Variants in GIPC3 observed in about 807,000 individuals in gnomAD.
GIPC3 encodes the protein GIPC PDZ domain containing family member 3, also known as PDZ domain-containing protein GIPC3.
A neutral mutation model predicts 27.3 loss-of-function variants in GIPC3; 16 were observed. That is an observed-to-expected ratio of 0.59 (90% confidence interval 0.40 to 0.89). The LOEUF is 0.89. GIPC3 is among the 40% of genes least tolerant of loss of function. GIPC3 has a pLI of 0.00. For missense variants in GIPC3, 440 were observed against 442.1 expected (o/e 1.00, Z 0.04); for synonymous variants, 194 against 184.6 (o/e 1.05, Z -0.41).
intron 1 of GIPC3, among the ~76,000 whole-genome samples, chr19:3,586,069 A>G (rs1034402184): frequency 6.6e-6 from 1 of 152,118 alleles, no homozygotes; most frequent in Non-Finnish European, 1.5e-5. Context: ...ATTCCAGAAA[A>G]TCCTCTGCGC....
At position 3,586,580 on chromosome 19, in the gene GIPC3, C is replaced by T; in HGVS notation, c.311C>T (p.Ala104Val). ...ATAGGCCTGGAGGACTTCATCTTTG[C>T]CCACGTGCGAGGCGAGACCAAGGAG... ...GQIGLEDFIF[A>V]HVRGETKEVE... The change falls in exon 2 of 6, where the codon GCC becomes GTC. Residue 104 changes from alanine (A) to valine (V), a missense_variant. Coordinates refer to ENST00000644452, the MANE Select transcript of GIPC3 (RefSeq NM_133261.3). 6.2e-7 allele frequency: 1 copy of T among 1,613,836 alleles called. No homozygotes were observed. Among genetic ancestry groups the T allele is most frequent in the East Asian group, 2.2e-5 (1 of 44,864 alleles).
At chr19:3,587,143 A>T in intron 3 of GIPC3, 149 bp downstream of exon 3, 25 of 554,842 alleles carry the variant, frequency 4.5e-5, no homozygotes, top group East Asian at 1.1e-4. Context: ...AGAAACTCGT[A>T]GGTAGTTTCT....
intron 3 of GIPC3, among the ~76,000 whole-genome samples, chr19:3,587,695 C>CTTTTTTCTTTTCTT (rs548820972): frequency 0.11 from 14,584 of 130,782 alleles, 1,075 homozygotes; most frequent in African/African-American, 0.18. Flanking sequence ...CTTTTCTTTT[C>CTTTTTTCTTTTCTT]TTTTTTTTTT....
chr19:3,587,106 G>A, intron 3 of GIPC3, 112 bp downstream of exon 3: 5 of 927,500 alleles, frequency 5.4e-6, no homozygotes, highest in East Asian at 2.6e-5. Context: ...CACCCGCTGC[G>A]TGCCAAGGAG....
Position 3,586,865 on chromosome 19 carries a change from G to A in GIPC3, c.463G>A (p.Asp155Asn), listed in dbSNP as rs769390047. 6.2e-7 allele frequency: 1 copy of A among 1,613,590 alleles called. No individual in the cohort carries two copies. Among genetic ancestry groups the A allele is most frequent in the South Asian group, 1.1e-5 (1 of 91,072 alleles). ...CCGGATCGAGGCAGTGTGCGTGGGT[G>A]ACAGCATCGAAGCCATCAACGACCA... Reference protein sequence around the residue: ...INRIEAVCVGDSIEAINDHSI... With the variant: ...INRIEAVCVGNSIEAINDHSI... The change falls in exon 3 of 6, where the codon GAC (aspartate) becomes AAC (asparagine). Residue 155 changes from aspartate (D) to asparagine (N), a missense_variant. By Grantham distance (23) the Asp-to-Asn change is conservative. Coordinates refer to ENST00000644452, the MANE Select transcript of GIPC3 (RefSeq NM_133261.3).
Position 3,586,554 on chromosome 19 carries a change from G to C in GIPC3, c.285G>C (p.Gln95His), listed in dbSNP as rs1487960634. The change falls in exon 2 of 6, where the codon CAG (glutamine) becomes CAC (histidine). Residue 95 changes from glutamine (Q) to histidine (H), a missense_variant. Transcript: ENST00000644452. Reference protein sequence around the residue: ...KVDMQKLLGGQIGLEDFIFAH... With the variant: ...KVDMQKLLGGHIGLEDFIFAH... ...ACATGCAGAAGCTCCTGGGGGGTCA[G>C]ATAGGCCTGGAGGACTTCATCTTTG... is the stretch of plus-strand genomic sequence containing the variant. 1 of 1,613,808 alleles carries C rather than the reference G, an allele frequency of 6.2e-7. No homozygotes were observed. Among genetic ancestry groups the C allele is most frequent in the African/African-American group, 1.3e-5 (1 of 74,910 alleles).
rs918923897 is a variant in GIPC3, at chr19:3,590,624, G to A, written c.*434G>A. On this transcript the variant is annotated 3_prime_UTR_variant, in exon 6 of 6. Coordinates refer to ENST00000644452, the MANE Select transcript of GIPC3 (RefSeq NM_133261.3). ...GAACTCAGATGGGCTCTGAGACCATGCCCAGCTCTAGAACTCAGATGGGCT... is the reference window on the plus strand; with the variant it reads ...GAACTCAGATGGGCTCTGAGACCATACCCAGCTCTAGAACTCAGATGGGCT... 3.0e-5 allele frequency: 38 copies of A among 1,274,502 alleles called. No individual in the cohort carries two copies. The highest frequency in any genetic ancestry group is 3.8e-5 in the Non-Finnish European group (38 of 1,011,500). The allele number at this position is 1,274,502 out of a possible 1,614,324, so 78.9% of individuals were successfully genotyped here. A position where few individuals can be genotyped will look rare whatever the true frequency, so the allele number is the denominator to read the frequency against.
At position 3,592,313 on chromosome 19, in the gene GIPC3, G is replaced by C; in HGVS notation, c.*2123G>C. On this transcript the variant is annotated 3_prime_UTR_variant, in exon 6 of 6. Transcript: ENST00000644452. ...CTGGTATTCAACTGGACTTTGGGAA[G>C]CAGAGCAGTTCTGAAAGTCAGCTTA... The C allele has an allele frequency of 5.7e-6, 7 of 1,232,020 alleles. No homozygotes were observed. Among genetic ancestry groups the C allele is most frequent in the Non-Finnish European group, 7.1e-6 (7 of 987,962 alleles). The allele number at this position is 1,232,020 out of a possible 1,614,324, so 76.3% of individuals were successfully genotyped here. A position where few individuals can be genotyped will look rare whatever the true frequency, so the allele number is the denominator to read the frequency against.
chr19:3,590,876 G>C lies in GIPC3; in HGVS notation c.*686G>C, dbSNP rs2032477649. 8.1e-7 allele frequency: 1 copy of C among 1,236,140 alleles called. No homozygotes were observed. Among genetic ancestry groups the C allele is most frequent in the African/African-American group, 1.6e-5 (1 of 64,350 alleles). The allele number at this position is 1,236,140 out of a possible 1,614,324, so 76.6% of individuals were successfully genotyped here. ...GAACTCAGATGGGCTCCGAGACCAA[G>C]CCCAGCTCTAGAACCCAGATGAGCT... On this transcript the variant is annotated 3_prime_UTR_variant, in exon 6 of 6. Coordinates refer to ENST00000644452, the MANE Select transcript of GIPC3 (RefSeq NM_133261.3).
intron 1 of GIPC3, 86 bp from the exon 2 acceptor site, chr19:3,586,408 GC>G (rs2032365246): frequency 8.2e-7 from 1 of 1,224,094 alleles, no homozygotes; most frequent in Non-Finnish European, 1.2e-6. Flanking sequence ...GATCCTGGTC[GC>G]TGGGGGCAGG....
chr19:3,590,203 G>A lies in GIPC3; in HGVS notation c.*13G>A, dbSNP rs1017557413. The A allele has an allele frequency of 9.5e-6, 15 of 1,580,648 alleles. No individual in the cohort carries two copies. The African/African-American group carries it at 1.9e-4, about 20-fold the overall frequency. On this transcript the variant is annotated 3_prime_UTR_variant, in exon 6 of 6. Transcript: ENST00000644452. ...GGCCTGTGGCTAGTTTGCCCTGGGGGGGCCCAGCACAGCCCCAGCCCGGAG... is the reference window on the plus strand; with the variant it reads ...GGCCTGTGGCTAGTTTGCCCTGGGGAGGCCCAGCACAGCCCCAGCCCGGAG...
Position 3,590,250 on chromosome 19 carries a change from T to G in GIPC3, c.*60T>G. The G allele has an allele frequency of 3.2e-6, 5 of 1,540,738 alleles. No homozygotes were observed. Among genetic ancestry groups the G allele is most frequent in the Non-Finnish European group, 4.4e-6 (5 of 1,141,814 alleles). ...GGAGCCCAGCCCCCTGCCCCGGCCCTGCTCCAGAACCCAGCCCAGATCGGA... is the reference window on the plus strand; with the variant it reads ...GGAGCCCAGCCCCCTGCCCCGGCCCGGCTCCAGAACCCAGCCCAGATCGGA... On this transcript the variant is annotated 3_prime_UTR_variant, in exon 6 of 6. Coordinates refer to ENST00000644452, the MANE Select transcript of GIPC3 (RefSeq NM_133261.3).
chr19:3,586,224 C>A (rs1568276971), intron 1 of GIPC3, among the ~76,000 whole-genome samples: 1 of 152,018 alleles, frequency 6.6e-6, no homozygotes, highest in South Asian at 2.1e-4. Flanking sequence ...GGGCGTTTTT[C>A]CAATCCGGGT....
rs563745682 is a variant in GIPC3 at position 3,590,307 on chromosome 19, T to C, written c.*117T>C. On this transcript the variant is annotated 3_prime_UTR_variant, in exon 6 of 6. Transcript: ENST00000644452. ...GTTCCTCTCTAGAACCCAATCCAATTTGGAGCCCCAGCCCAACTCCAGAAC... is the reference window on the plus strand; with the variant it reads ...GTTCCTCTCTAGAACCCAATCCAATCTGGAGCCCCAGCCCAACTCCAGAAC... 2 of 1,461,406 alleles carry C rather than the reference T, an allele frequency of 1.4e-6. No individual in the cohort carries two copies. Among genetic ancestry groups the C allele is most frequent in the African/African-American group, 1.4e-5 (1 of 70,618 alleles). 90.5% of individuals were successfully genotyped at this position (1,461,406 alleles called of 1,614,324 possible). A position where few individuals can be genotyped will look rare whatever the true frequency, so the allele number is the denominator to read the frequency against.
At position 3,593,432 on chromosome 19, in the gene GIPC3, C is replaced by A. The variant is rs974270131; in HGVS notation, c.*3242C>A. The A allele has an allele frequency of 1.4e-6, 1 of 689,688 alleles. No homozygotes were observed. The highest frequency in any genetic ancestry group is 2.0e-6 in the Non-Finnish European group (1 of 493,012). 42.7% of individuals were successfully genotyped at this position (689,688 alleles called of 1,614,324 possible). A position where few individuals can be genotyped will look rare whatever the true frequency, so the allele number is the denominator to read the frequency against. On this transcript the variant is annotated 3_prime_UTR_variant, in exon 6 of 6. Coordinates refer to ENST00000644452, the MANE Select transcript of GIPC3 (RefSeq NM_133261.3). ...GCGGTGGTGAAAACAGGGGCTTCACCGGTCCTGGCTCAGATCCAGGTCCTT... is the reference window on the plus strand; with the variant it reads ...GCGGTGGTGAAAACAGGGGCTTCACAGGTCCTGGCTCAGATCCAGGTCCTT...
chr19:3,585,490 C>G lies in GIPC3; in HGVS notation c.-108C>G. The G allele has an allele frequency of 1.0e-6, 1 of 988,908 alleles. No homozygotes were observed. The highest frequency in any genetic ancestry group is 4.7e-5 in the South Asian group (1 of 21,120). 61.3% of individuals were successfully genotyped at this position (988,908 alleles called of 1,614,324 possible). On this transcript the variant is annotated 5_prime_UTR_variant, in exon 1 of 6. Coordinates refer to ENST00000644452, the MANE Select transcript of GIPC3 (RefSeq NM_133261.3). ...GCTCGGGTTCCCAGATCCCCTTACCCGGGCGTCTCGGCTGTCGCGCCCTGG... is the reference window on the plus strand; with the variant it reads ...GCTCGGGTTCCCAGATCCCCTTACCGGGGCGTCTCGGCTGTCGCGCCCTGG...
At chr19:3,587,089 C>T in intron 3 of GIPC3, 95 bp downstream of exon 3, 1 of 1,165,182 alleles carries the variant, frequency 8.6e-7, no homozygotes, top group Non-Finnish European at 1.2e-6. Context: ...CTGGAAGGTT[C>T]TAGGTGCACC....
rs775627552 is a variant in GIPC3 at position 3,589,824 on chromosome 19, C to T, written c.706-7C>T. ...TCACCCCTGACTTCCCTCCCGTGTG[C>T]CCCCAGCCCAGTGAGTTTGAGGAGG... On this transcript the variant is annotated splice_region_variant and splice_polypyrimidine_tract_variant and intron_variant, in intron 4 of 5. Coordinates refer to ENST00000644452, the MANE Select transcript of GIPC3 (RefSeq NM_133261.3). 44 of 1,613,214 alleles carry T rather than the reference C, an allele frequency of 2.7e-5. 1 individual carries two copies. The South Asian group carries it at 4.4e-4, about 16-fold the overall frequency.
Position 3,591,837 on chromosome 19 carries a change from T to A in GIPC3, c.*1647T>A. The A allele has an allele frequency of 1.6e-6, 2 of 1,233,510 alleles. No homozygotes were observed. The highest frequency in any genetic ancestry group is 2.0e-6 in the Non-Finnish European group (2 of 989,156). The allele number at this position is 1,233,510 out of a possible 1,614,324, so 76.4% of individuals were successfully genotyped here. A position where few individuals can be genotyped will look rare whatever the true frequency, so the allele number is the denominator to read the frequency against. On this transcript the variant is annotated 3_prime_UTR_variant, in exon 6 of 6. Coordinates refer to ENST00000644452, the MANE Select transcript of GIPC3 (RefSeq NM_133261.3). ...ATCCATCTTGGAAGCAAGACCCAGCTCCAGCACACAGCTTGGTGCCAAGCC... is the reference window on the plus strand; with the variant it reads ...ATCCATCTTGGAAGCAAGACCCAGCACCAGCACACAGCTTGGTGCCAAGCC...
Sources: allele counts gnomAD v4.1 joint callset (sites outside exome capture counted in the v4.1 genomes callset), GRCh38; gene constraint gnomAD v4.1.1; transcripts MANE v1.5; gene names NCBI Gene and HGNC (gene_info 2026-07-23, HGNC 2026-07-21).